The following TP53BP1 variants were observed in gnomAD, a reference collection of about 807,000 sequenced individuals.
TP53BP1 encodes tumor protein p53 binding protein 1, also known as TP53-binding protein 1.
In TP53BP1, 61 loss-of-function variants were observed where a neutral mutation model predicts 200.8. That is an observed-to-expected ratio of 0.30 (90% CI 0.25 to 0.38). TP53BP1 has a LOEUF of 0.38. Ranked by LOEUF, TP53BP1 falls within the 10% of genes least tolerant of loss-of-function variation. The probability of loss-of-function intolerance (pLI) is 1.00; values close to 1 mark genes in which losing one functional copy is unlikely to be tolerated. For synonymous variants in TP53BP1, 822 were observed against 844.3 expected (o/e 0.97, Z 0.46); for missense variants, 2,144 against 2,371.9 (o/e 0.90, Z 2.00).
intron 11 of TP53BP1, among the ~76,000 whole-genome samples, chr15:43,467,035 T>G (rs1176147850): frequency 1.3e-5 from 2 of 151,870 alleles, no homozygotes; most frequent in African/African-American, 4.8e-5. Context: ...AATCTTTAAC[T>G]TAAAAGCTAT....
At chr15:43,504,435 A>G (rs2079225703) in intron 1 of TP53BP1, among the ~76,000 whole-genome samples, 1 of 152,188 alleles carries the variant, frequency 6.6e-6, no homozygotes, top group Admixed American at 6.5e-5. Context: ...AATTTTACAG[A>G]CAAGGAAACT....
rs1483588674 is a variant in TP53BP1, at chr15:43,470,813, G to T, written c.1181-747C>A. ...TATCTTACAACTTGACCCCAACCAG[G>T]CTTCCTCTAGACCACTCACAAACTA... On this transcript the variant is annotated intron_variant, in intron 10 of 27. Transcript: ENST00000382044. 2.6e-5 allele frequency among the ~76,000 whole-genome samples: 4 copies of T among 152,222 alleles called. No homozygotes were observed. In the Middle Eastern group the frequency reaches 0.01, roughly 394 times the overall value.
chr15:43,493,109 G>C lies in TP53BP1; in HGVS notation c.-66C>G. On this transcript the variant is annotated 5_prime_UTR_variant, in exon 1 of 28. The change creates a new upstream start codon in the 5' untranslated region. Coordinates refer to ENST00000382044, the MANE Select transcript of TP53BP1 (RefSeq NM_001141980.3). ...CACGCTCCCCAAGTCCCTCCAGATC[G>C]ATCCCTAGGTCGCCGCTGTCGCCAC... 6.2e-7 allele frequency: 1 copy of C among 1,603,548 alleles called. No individual in the cohort carries two copies. Among genetic ancestry groups the C allele is most frequent in the Non-Finnish European group, 8.5e-7 (1 of 1,177,004 alleles).
chr15:43,446,665 A>T, intron 13 of TP53BP1, 75 bp from the exon 14 acceptor site: 2 of 1,571,974 alleles, frequency 1.3e-6, no homozygotes, highest in Non-Finnish European at 1.7e-6. Flanking sequence ...ATTCAAGGTC[A>T]TCAATTTGCC....
rs1318565148 is a variant in TP53BP1 at position 43,456,195 on chromosome 15, T to G, written c.2413A>C (p.Asn805His). The G allele has an allele frequency of 6.2e-7, 1 of 1,614,230 alleles. No homozygotes were observed. Among genetic ancestry groups the G allele is most frequent in the Non-Finnish European group, 8.5e-7 (1 of 1,180,050 alleles). Residue 805 changes from asparagine to histidine, a missense_variant, in exon 12 of 28, where the codon AAT becomes CAT. Asn to His is a moderately conservative substitution (Grantham distance 68). Coordinates refer to ENST00000382044, the MANE Select transcript of TP53BP1 (RefSeq NM_001141980.3). ...TTTTCTTCCTTGGTGTCTAATCTAT[T>G]CTCAGCACATGGTTCTATTTCTGGA... ...IAPEIEPCAE[N>H]RLDTKEEKSV...
At chr15:43,498,876 GA>G (rs1262423210) in intron 1 of TP53BP1, among the ~76,000 whole-genome samples, 1 of 152,018 alleles carries the variant, frequency 6.6e-6, no homozygotes, top group African/African-American at 2.4e-5. Flanking sequence ...CAAAACTAAA[GA>G]AAAGTTAACC....
intron 11 of TP53BP1, among the ~76,000 whole-genome samples, chr15:43,465,548 AAAG>A (rs746102624): frequency 1.8e-4 from 28 of 152,296 alleles, no homozygotes; most frequent in Non-Finnish European, 3.2e-4. Context: ...TCCATTAAAA[AAAG>A]AAGAAGAACA....
intron 16 of TP53BP1, 131 bp from the exon 17 acceptor site, chr15:43,432,808 G>T: frequency 9.8e-7 from 1 of 1,020,416 alleles, no homozygotes; most frequent in Admixed American, 2.8e-5. Context: ...GAAATGTAAG[G>T]AAGGGAGAAA....
At chr15:43,454,530 AT>A (rs1399665537) in intron 12 of TP53BP1, among the ~76,000 whole-genome samples, 2 of 148,064 alleles carry the variant, frequency 1.4e-5, no homozygotes, top group Non-Finnish European at 3.0e-5. Flanking sequence ...CTCCTGGCTA[AT>A]TTTGTGTTTT....
rs908958591 is a variant in TP53BP1 at position 43,408,729 on chromosome 15, C to T, written c.5600+168G>A. ...GCAAAAGGTTCCTAGCCAATGTAAC[C>T]TAGGGAAATAAACTAGATAAACTCC... On this transcript the variant is annotated intron_variant, in intron 26 of 27. Coordinates refer to ENST00000382044, the MANE Select transcript of TP53BP1 (RefSeq NM_001141980.3). 17 of 651,636 alleles carry T rather than the reference C, an allele frequency of 2.6e-5. No individual in the cohort carries two copies. In the Admixed American group the frequency reaches 3.8e-4, roughly 14 times the overall value. The allele number at this position is 651,636 out of a possible 1,614,324, so 40.4% of individuals were successfully genotyped here.
At chr15:43,437,506 C>T (rs1180829367) in intron 16 of TP53BP1, among the ~76,000 whole-genome samples, 2 of 151,872 alleles carry the variant, frequency 1.3e-5, no homozygotes, top group Non-Finnish European at 2.9e-5. Flanking sequence ...GTGGCGCATG[C>T]TTGTGGTCCT....
At chr15:43,494,885 T>C (rs369961336), upstream of TP53BP1, among the ~76,000 whole-genome samples, 8 of 152,200 alleles carry the variant, frequency 5.3e-5, no homozygotes, top group African/African-American at 1.9e-4. Context: ...ACTTGACAAG[T>C]GTGTTTGTCG....
At chr15:43,442,254 T>G (rs1401876902) in intron 14 of TP53BP1, among the ~76,000 whole-genome samples, 1 of 151,558 alleles carries the variant, frequency 6.6e-6, no homozygotes, top group Non-Finnish European at 1.5e-5. Flanking sequence ...CCCGGCTAAT[T>G]TTTTTGTATT....
At chr15:43,461,776 T>G (rs990972592) in intron 11 of TP53BP1, among the ~76,000 whole-genome samples, 3 of 151,544 alleles carry the variant, frequency 2.0e-5, no homozygotes, top group African/African-American at 7.3e-5. Context: ...TCAAGTGATT[T>G]TCCTGCCTCA....
intron 16 of TP53BP1, among the ~76,000 whole-genome samples, chr15:43,436,454 A>G (rs2143000265): frequency 6.6e-6 from 1 of 150,922 alleles, no homozygotes; most frequent in East Asian, 1.9e-4. Context: ...TATATTCCAT[A>G]TAAGATACTA....
At chr15:43,428,558 T>C (rs1014217567) in intron 17 of TP53BP1, among the ~76,000 whole-genome samples, 2 of 152,200 alleles carry the variant, frequency 1.3e-5, no homozygotes, top group Non-Finnish European at 2.9e-5. Context: ...GCTCTTTAGA[T>C]AAAAGGAAGG....
chr15:43,504,786 G>A (rs1301090689), intron 1 of TP53BP1, among the ~76,000 whole-genome samples: 4 of 152,112 alleles, frequency 2.6e-5, no homozygotes, highest in South Asian at 2.1e-4. Flanking sequence ...TTGGGAGGCC[G>A]AGGCGGAGAG....
intron 24 of TP53BP1, among the ~76,000 whole-genome samples, chr15:43,411,642 C>T (rs1406717803): frequency 1.3e-5 from 2 of 152,222 alleles, no homozygotes; most frequent in South Asian, 2.1e-4. Context: ...TGTTGGGCTG[C>T]GCCCAAGGAT....
At chr15:43,507,137 T>C (rs966850987) in intron 1 of TP53BP1, among the ~76,000 whole-genome samples, 14 of 151,964 alleles carry the variant, frequency 9.2e-5, no homozygotes, top group African/African-American at 3.4e-4. Flanking sequence ...TTTGTCCAAT[T>C]CTCTTTTTTT....
Sources: gnomAD v4.1 joint callset for allele counts (sites outside exome capture counted in the v4.1 genomes callset) on GRCh38, gnomAD v4.1.1 for gene constraint, MANE v1.5 for transcripts, NCBI Gene and HGNC (gene_info 2026-07-23, HGNC 2026-07-21) for gene names.